The following MEGF11 variants were observed in gnomAD, a reference collection of about 807,000 sequenced individuals.
MEGF11 encodes multiple EGF like domains 11.
MEGF11 carries 126 observed loss-of-function variants against 146.6 expected under a neutral mutation model. The observed-to-expected ratio is 0.86, with a 90% CI of 0.74 to 1.00. The LOEUF is 1.00. Ranked by LOEUF, MEGF11 falls within the 50% of genes least tolerant of loss-of-function variation. MEGF11 has a pLI of 0.00. For missense variants in MEGF11, 1,509 were observed against 1,521.2 expected, an observed-to-expected ratio of 0.99 and a Z score of 0.13; for synonymous variants, 532 against 583.4, an observed-to-expected ratio of 0.91 and a Z score of 1.27.
chr15:66,061,284 C>A (rs775638320), intron 5 of MEGF11, among the ~76,000 whole-genome samples: 1 of 152,202 alleles, frequency 6.6e-6, no homozygotes, highest in South Asian at 2.1e-4. Flanking sequence ...CCAGGGAGTG[C>A]AGGCAGTCCA....
chr15:65,955,771 T>G (rs1277833073), intron 10 of MEGF11, among the ~76,000 whole-genome samples: 62 of 6,786 alleles, frequency 9.1e-3, no homozygotes, highest in Non-Finnish European at 0.027. Flanking sequence ...AATATATATA[T>G]ATATATATAT....
At chr15:65,928,025 G>A (rs1165461832) in intron 13 of MEGF11, among the ~76,000 whole-genome samples, 3 of 152,204 alleles carry the variant, frequency 2.0e-5, no homozygotes, top group Non-Finnish European at 4.4e-5. Context: ...TGTGGTGGCA[G>A]TGGGATGGAG....
intron 5 of MEGF11, among the ~76,000 whole-genome samples, chr15:66,024,952 G>A (rs1386464967): frequency 6.6e-6 from 1 of 152,126 alleles, no homozygotes; most frequent in Non-Finnish European, 1.5e-5. Flanking sequence ...TTGGTTGGGG[G>A]AGTGTGACCC....
chr15:65,909,258 C>T, intron 22 of MEGF11, 123 bp from the exon 23 acceptor site: 3 of 723,960 alleles, frequency 4.1e-6, no homozygotes, highest in Non-Finnish European at 2.4e-6. Flanking sequence ...GACTTGGGGG[C>T]CTCTGTGTAT....
At chr15:66,182,158 C>T (rs1375062171) in intron 1 of MEGF11, among the ~76,000 whole-genome samples, 1 of 152,180 alleles carries the variant, frequency 6.6e-6, no homozygotes, top group Admixed American at 6.5e-5. Context: ...GATAGACATG[C>T]CTTTTGATGA....
chr15:66,048,059 C>A (rs1427856711), intron 5 of MEGF11, among the ~76,000 whole-genome samples: 1 of 151,982 alleles, frequency 6.6e-6, no homozygotes, highest in African/African-American at 2.4e-5. Flanking sequence ...GATTCTCCTG[C>A]CTCAGCCTCC....
intron 4 of MEGF11, among the ~76,000 whole-genome samples, chr15:66,110,065 G>A (rs1381214210): frequency 6.6e-6 from 1 of 152,132 alleles, no homozygotes; most frequent in Non-Finnish European, 1.5e-5. Flanking sequence ...TGGGTACAGA[G>A]TACTTGTACC....
At chr15:65,981,410 G>C (rs2081634758) in intron 6 of MEGF11, among the ~76,000 whole-genome samples, 1 of 152,218 alleles carries the variant, frequency 6.6e-6, no homozygotes, top group Admixed American at 6.5e-5. Flanking sequence ...CAGGGACTGG[G>C]TGCTGTTGAA....
chr15:66,102,432 TC>T (rs2086860626), intron 4 of MEGF11, among the ~76,000 whole-genome samples: 2 of 145,688 alleles, frequency 1.4e-5, no homozygotes, highest in Non-Finnish European at 3.0e-5. Context: ...TTAAACATTT[TC>T]TTTTTTTTTT....
At chr15:65,953,982 C>T (rs1458029818) in intron 10 of MEGF11, among the ~76,000 whole-genome samples, 3 of 152,236 alleles carry the variant, frequency 2.0e-5, no homozygotes, top group African/African-American at 7.2e-5. Context: ...GCAGGGAGAG[C>T]TGGGGTGGGA....
chr15:66,240,184 T>C (rs1173464789), intron 1 of MEGF11, among the ~76,000 whole-genome samples: 1 of 152,212 alleles, frequency 6.6e-6, no homozygotes, highest in Non-Finnish European at 1.5e-5. Context: ...TGGAAGGGCC[T>C]GGGTGTCCAG....
At chr15:65,951,434 C>A (rs1172994662) in intron 10 of MEGF11, among the ~76,000 whole-genome samples, 1 of 152,184 alleles carries the variant, frequency 6.6e-6, no homozygotes, top group South Asian at 2.1e-4. Flanking sequence ...AGCCTGTAAT[C>A]CCAGCACTTT....
chr15:65,920,199 C>A (rs533223990), intron 15 of MEGF11, among the ~76,000 whole-genome samples: 141 of 152,282 alleles, frequency 9.3e-4, no homozygotes, highest in Non-Finnish European at 2.9e-4. Context: ...GAACCCTCAC[C>A]GACTGTCCTA....
At chr15:65,950,121 T>TAAC (rs929683255) in intron 10 of MEGF11, among the ~76,000 whole-genome samples, 162 of 152,136 alleles carry the variant, frequency 1.1e-3, no homozygotes, top group African/African-American at 3.8e-3. Flanking sequence ...TTGGTGTAAA[T>TAAC]AACAACAGCA....
chr15:66,052,043 A>G (rs553409658), intron 5 of MEGF11, among the ~76,000 whole-genome samples: 20 of 152,332 alleles, frequency 1.3e-4, no homozygotes, highest in Non-Finnish European at 2.6e-4. Context: ...TTTATCTCAT[A>G]CATGCATCAT....
At chr15:65,969,094 A>G (rs1596928891) in intron 8 of MEGF11, among the ~76,000 whole-genome samples, 2 of 152,164 alleles carry the variant, frequency 1.3e-5, no homozygotes, top group African/African-American at 4.8e-5. Context: ...TCTGCCCAGG[A>G]TCATGGACCA....
intron 5 of MEGF11, among the ~76,000 whole-genome samples, chr15:66,048,683 G>A (rs1420925658): frequency 2.0e-5 from 3 of 152,190 alleles, no homozygotes; most frequent in Non-Finnish European, 2.9e-5. Context: ...CACGCTGGTG[G>A]GTGGCAAAAA....
intron 1 of MEGF11, among the ~76,000 whole-genome samples, chr15:66,179,465 G>A (rs58838384): frequency 0.028 from 4,289 of 152,222 alleles, 192 homozygotes; most frequent in African/African-American, 0.096. Flanking sequence ...TCTACCACAC[G>A]TGGGAGGAGG....
chr15:66,099,329 C>T (rs908261478), intron 4 of MEGF11, among the ~76,000 whole-genome samples: 47 of 151,550 alleles, frequency 3.1e-4, no homozygotes, highest in Admixed American at 1.3e-3. Flanking sequence ...ATTACAGGCA[C>T]GCGCCACCAA....
Sources: gnomAD v4.1 joint callset for allele counts (sites outside exome capture counted in the v4.1 genomes callset) on GRCh38, gnomAD v4.1.1 for gene constraint, MANE v1.5 for transcripts, NCBI Gene and HGNC (gene_info 2026-07-23, HGNC 2026-07-21) for gene names.